PTPRM: variants seen among roughly 807,000 people sequenced by gnomAD.
The protein encoded by PTPRM is protein tyrosine phosphatase receptor type M, also known as receptor-type tyrosine-protein phosphatase mu.
PTPRM carries 47 observed loss-of-function variants against 186.7 expected under a neutral mutation model. The ratio of observed to expected loss-of-function variants is 0.25; its 90% CI spans 0.20 to 0.32. The LOEUF is 0.32. Ranked by LOEUF, PTPRM falls within the 10% of genes least tolerant of loss-of-function variation. The pLI is 1.00. For missense variants in PTPRM, 1,494 were observed against 1,865.0 expected (o/e 0.80, Z 3.66); for synonymous variants, 668 against 674.9 (o/e 0.99, Z 0.16).
At chr18:7,950,611 C>A (rs964357402) in intron 6 of PTPRM, among the ~76,000 whole-genome samples, 10 of 151,890 alleles carry the variant, frequency 6.6e-5, no homozygotes, top group Non-Finnish European at 1.5e-4. Flanking sequence ...CCTTACAGGG[C>A]CATGAGGAAG....
chr18:8,033,364 C>T (rs931407745), intron 7 of PTPRM, among the ~76,000 whole-genome samples: 7 of 152,072 alleles, frequency 4.6e-5, no homozygotes, highest in Admixed American at 1.3e-4. Context: ...TATGTATAGA[C>T]ACTATACAGT....
At chr18:7,733,198 C>T (rs8089054) in intron 1 of PTPRM, among the ~76,000 whole-genome samples, 3,702 of 152,236 alleles carry the variant, frequency 0.024, 137 homozygotes, top group African/African-American at 0.081. Flanking sequence ...TTAAGCCCCA[C>T]ATGCATTAGG....
chr18:7,759,032 C>G (rs1041182340), intron 1 of PTPRM, among the ~76,000 whole-genome samples: 1 of 152,226 alleles, frequency 6.6e-6, no homozygotes, highest in Non-Finnish European at 1.5e-5. Flanking sequence ...CAGCTGGTAA[C>G]TGTAGCTTGT....
chr18:8,143,747 A>G lies in PTPRM; in HGVS notation c.2268A>G (p.Ile756Met). The G allele has an allele frequency of 3.1e-6, 5 of 1,614,086 alleles. No individual in the cohort carries two copies. The highest frequency in any genetic ancestry group is 4.2e-6 in the Non-Finnish European group (5 of 1,179,952). The part of the protein sequence containing the change: ...VIAGILLFVI[I>M]FLGVVLVMKK... ...CGGGCATCTTGCTGTTCGTGATTAT[A>G]TTTCTTGGAGTTGTGTTGGTAATGA... The change falls in exon 14 of 33, where the codon ATA (isoleucine) becomes ATG (methionine). Residue 756 changes from isoleucine to methionine, a missense_variant. By Grantham distance (10) the Ile-to-Met change is conservative. Coordinates refer to ENST00000580170, the MANE Select transcript of PTPRM (RefSeq NM_001105244.2).
At chr18:8,086,838 A>G (rs2090458883) in intron 10 of PTPRM, among the ~76,000 whole-genome samples, 1 of 152,168 alleles carries the variant, frequency 6.6e-6, no homozygotes, top group African/African-American at 2.4e-5. Context: ...AACAAGGGAT[A>G]ATTTTTTATT....
chr18:8,167,028 G>A (rs983039398), intron 14 of PTPRM, among the ~76,000 whole-genome samples: 1 of 152,222 alleles, frequency 6.6e-6, no homozygotes, highest in African/African-American at 2.4e-5. Context: ...AGCCAAGTGT[G>A]CAGGCTCTAA....
Position 8,090,461 on chromosome 18 carries a change from G to A in PTPRM, c.1856+1610G>A, listed in dbSNP as rs537996357. On this transcript the variant is annotated intron_variant, in intron 11 of 32. Coordinates refer to ENST00000580170, the MANE Select transcript of PTPRM (RefSeq NM_001105244.2). ...AAAGCTTAATCATTTTTCAAAAACA[G>A]CCAGTTATCCCATGGTACTTTGTTC... is the stretch of plus-strand genomic sequence containing the variant. Among the ~76,000 whole-genome samples the A allele has an allele frequency of 2.0e-5, 3 of 152,290 alleles. No homozygotes were observed. The East Asian group carries it at 5.8e-4, about 29-fold the overall frequency.
intron 7 of PTPRM, among the ~76,000 whole-genome samples, chr18:8,056,651 A>G (rs1216037596): frequency 6.6e-6 from 1 of 151,874 alleles, no homozygotes; most frequent in Admixed American, 6.6e-5. Flanking sequence ...ATAAATGCAC[A>G]TTAGACTTTG....
chr18:7,799,452 A>C (rs557744824), intron 2 of PTPRM, among the ~76,000 whole-genome samples: 48 of 152,336 alleles, frequency 3.2e-4, no homozygotes, highest in African/African-American at 1.1e-3. Flanking sequence ...GGAACTTGTC[A>C]AGTAAGGCTT....
At chr18:7,918,078 TTGTGTGTGTGTG>T (rs35838540) in intron 4 of PTPRM, among the ~76,000 whole-genome samples, 15,574 of 148,060 alleles carry the variant, frequency 0.11, 912 homozygotes, top group African/African-American at 0.15. Context: ...TCTTGTGTGT[TTGTGTGTGTGTG>T]TGTGTGTGTG....
intron 7 of PTPRM, among the ~76,000 whole-genome samples, chr18:7,965,474 T>C (rs978566999): frequency 6.6e-6 from 1 of 151,974 alleles, no homozygotes; most frequent in Non-Finnish European, 1.5e-5. Context: ...CCCAGGAAGG[T>C]AGGTGAACCC....
intron 2 of PTPRM, among the ~76,000 whole-genome samples, chr18:7,778,067 T>G (rs2042677389): frequency 6.6e-6 from 1 of 152,220 alleles, no homozygotes; most frequent in African/African-American, 2.4e-5. Context: ...TTTTTAGCTT[T>G]TTACTTTTTC....
intron 4 of PTPRM, among the ~76,000 whole-genome samples, chr18:7,907,900 TTTAAC>T (rs1202959370): frequency 9.1e-4 from 139 of 152,206 alleles, no homozygotes; most frequent in African/African-American, 2.5e-3. Flanking sequence ...TTTTTTTTTT[TTTAAC>T]TTAAGTGTTA....
In PTPRM at chr18:7,928,453, A is replaced by T. The variant is rs974521480; in HGVS notation, c.663+1770A>T. Among the ~76,000 whole-genome samples the T allele has an allele frequency of 2.6e-5, 4 of 152,336 alleles. No homozygotes were observed. In the East Asian group the frequency reaches 7.7e-4, roughly 29 times the overall value. On this transcript the variant is annotated intron_variant, in intron 5 of 32. Coordinates refer to ENST00000580170, the MANE Select transcript of PTPRM (RefSeq NM_001105244.2). The stretch of plus-strand genomic sequence containing the variant: ...TTAAAATTCAGAATTGTTTTCTCAG[A>T]TAATGGCTATTTGGTATTAAACACA...
At chr18:8,332,540 G>A (rs780065912) in intron 22 of PTPRM, among the ~76,000 whole-genome samples, 2 of 152,136 alleles carry the variant, frequency 1.3e-5, no homozygotes, top group Non-Finnish European at 2.9e-5. Flanking sequence ...AGAATTTTGG[G>A]GAATGGAATG....
chr18:8,093,293 T>A (rs747600452), intron 11 of PTPRM, among the ~76,000 whole-genome samples: 1 of 152,108 alleles, frequency 6.6e-6, no homozygotes, highest in Non-Finnish European at 1.5e-5. Context: ...GAAGACTAAA[T>A]GAGGTGATAT....
In PTPRM at chr18:7,803,032, G is replaced by C. The variant is rs564057840; in HGVS notation, c.196+28761G>C. Among the ~76,000 whole-genome samples the C allele has an allele frequency of 6.6e-5, 10 of 152,284 alleles. No homozygotes were observed. The South Asian group carries it at 1.9e-3, about 28-fold the overall frequency. ...GGTGGTCATACAATGCTTCAGAAAG[G>C]GGGTAGTATCCAATCTGAGACCACC... On this transcript the variant is annotated intron_variant, in intron 2 of 32. Coordinates refer to ENST00000580170, the MANE Select transcript of PTPRM (RefSeq NM_001105244.2).
At chr18:7,669,932 A>G (rs1193327299) in intron 1 of PTPRM, among the ~76,000 whole-genome samples, 1 of 151,800 alleles carries the variant, frequency 6.6e-6, no homozygotes, top group Admixed American at 6.6e-5. Context: ...TTAGTAGAGA[A>G]AGGGTTTCAC....
chr18:7,587,169 C>T (rs2036999940), intron 1 of PTPRM, among the ~76,000 whole-genome samples: 1 of 151,980 alleles, frequency 6.6e-6, no homozygotes, highest in Non-Finnish European at 1.5e-5. Flanking sequence ...AGTATGTAAT[C>T]GAATCATTGT....
Sources: allele counts gnomAD v4.1 joint callset (sites outside exome capture counted in the v4.1 genomes callset), GRCh38; gene constraint gnomAD v4.1.1; transcripts MANE v1.5; gene names NCBI Gene and HGNC (gene_info 2026-07-23, HGNC 2026-07-21).